HERPUD1: variants seen among roughly 807,000 people sequenced by gnomAD.
The protein encoded by HERPUD1 is homocysteine inducible ER protein with ubiquitin like domain 1.
A neutral mutation model predicts 45.0 loss-of-function variants in HERPUD1; 17 were observed. The observed-to-expected ratio is 0.38, with a 90% confidence interval of 0.26 to 0.57. The LOEUF (loss-of-function observed/expected upper bound fraction) is 0.57. Among genes scored for constraint, HERPUD1 ranks in the 20% least tolerant of loss-of-function variants. The pLI, the probability that HERPUD1 is intolerant of heterozygous loss-of-function variation, is 0.72. For missense variants in HERPUD1, 420 were observed against 490.5 expected (o/e 0.86, Z 1.36); for synonymous variants, 164 against 177.5 (o/e 0.92, Z 0.61).
intron 6 of HERPUD1, chr16:56,941,926 G>A (rs1383527792): frequency 1.9e-6 from 1 of 523,178 alleles, no homozygotes; most frequent in South Asian, 2.4e-5. Context: ...GGTGTGCAAT[G>A]ATGAATAAAA....
rs142638966 is a variant in HERPUD1 at position 56,935,468 on chromosome 16, A to C, written c.293A>C (p.Asn98Thr). The change falls in exon 3 of 8, where the codon AAC (asparagine) becomes ACC (threonine). Residue 98 changes from asparagine to threonine, a missense_variant. Transcript: ENST00000439977. ...AGTCCTTCAAAAATGCCAGAAATCAACGCCAAGGTGTGTCTGCCTCTTCAT... is the reference window on the plus strand; with the variant it reads ...AGTCCTTCAAAAATGCCAGAAATCACCGCCAAGGTGTGTCTGCCTCTTCAT... ...VKSPSKMPEINAKVAESTEEP... is the reference protein window; with the variant it reads ...VKSPSKMPEITAKVAESTEEP... The C allele has an allele frequency of 6.8e-6, 11 of 1,613,510 alleles. No individual in the cohort carries two copies. The highest frequency in any genetic ancestry group is 3.3e-5 in the South Asian group (3 of 91,076).
intron 4 of HERPUD1, chr16:56,937,209 G>A (rs1255563974): frequency 1.3e-5 from 2 of 155,470 alleles, no homozygotes; most frequent in African/African-American, 4.8e-5. Flanking sequence ...TGACAACAAG[G>A]GAGAGACTGT....
chr16:56,934,562 G>A (rs1023905542), intron 1 of HERPUD1, among the ~76,000 whole-genome samples: 6 of 152,042 alleles, frequency 3.9e-5, no homozygotes, highest in African/African-American at 1.5e-4. Context: ...GTTAAGGCTG[G>A]CCTTGGGAGT....
At chr16:56,939,484 G>T in intron 5 of HERPUD1, 125 bp downstream of exon 5, 1 of 1,237,752 alleles carries the variant, frequency 8.1e-7, no homozygotes. Flanking sequence ...GCAGAGCCCT[G>T]CTCTGTTTGG....
chr16:56,938,423 T>A (rs1187558903), intron 4 of HERPUD1, among the ~76,000 whole-genome samples: 3 of 151,982 alleles, frequency 2.0e-5, no homozygotes, highest in Admixed American at 2.0e-4. Context: ...ATTAGCCAGG[T>A]GTGGTGGCGT....
intron 4 of HERPUD1, chr16:56,937,038 T>C (rs1317329631): frequency 4.5e-5 from 16 of 353,880 alleles, no homozygotes; most frequent in Non-Finnish European, 7.6e-5. Flanking sequence ...AATGCATATA[T>C]TGAAAAAAAA....
rs1438720095 is a variant in HERPUD1 at position 56,932,355 on chromosome 16, C to T, written c.111C>T (p.Leu37=). ...ACCGCGGCTGGAGTGTGGGCCACCT[C>T]AAGGCCCACCTGAGCCGCGTCTACC... is the stretch of plus-strand genomic sequence containing the variant. ...SGDRGWSVGH[L]KAHLSRVYPE... The change falls in exon 1 of 8, where the codon CTC becomes CTT. Residue 37 remains leucine (L), a synonymous_variant. Coordinates refer to ENST00000439977, the MANE Select transcript of HERPUD1 (RefSeq NM_014685.4). 2 of 1,599,112 alleles carry T rather than the reference C, an allele frequency of 1.3e-6. No homozygotes were observed.
intron 1 of HERPUD1, chr16:56,933,399 T>C (rs2055841950): frequency 2.2e-6 from 1 of 452,032 alleles, no homozygotes; most frequent in Admixed American, 2.4e-5. Flanking sequence ...GAATTCACCC[T>C]GGCACATTTT....
intron 2 of HERPUD1, 27 bp downstream of exon 2, chr16:56,935,339 A>C (rs1439431131): frequency 6.2e-7 from 1 of 1,611,976 alleles, no homozygotes; most frequent in Non-Finnish European, 8.5e-7. Context: ...TTAACTTCTG[A>C]ATGTTTTTAA....
chr16:56,937,429 T>C (rs980065206), intron 4 of HERPUD1: 2 of 152,186 alleles, frequency 1.3e-5, no homozygotes, highest in Non-Finnish European at 2.9e-5. Context: ...CCCCTTTTTC[T>C]AGTACTTTTT....
At chr16:56,936,629 T>A in intron 3 of HERPUD1, 58 bp from the exon 4 acceptor site, 2 of 1,460,652 alleles carry the variant, frequency 1.4e-6, no homozygotes, top group Non-Finnish European at 9.1e-7. Flanking sequence ...TTCCTTTTGC[T>A]TGATTTCAGA....
intron 4 of HERPUD1, among the ~76,000 whole-genome samples, chr16:56,938,265 T>G (rs1395862051): frequency 6.6e-6 from 1 of 152,152 alleles, no homozygotes; most frequent in Non-Finnish European, 1.5e-5. Context: ...GTGGCCTGAT[T>G]AAAGAAGCAT....
At chr16:56,933,098 G>A (rs532803541) in intron 1 of HERPUD1, 8 of 367,302 alleles carry the variant, frequency 2.2e-5, no homozygotes, top group South Asian at 1.6e-4. Context: ...CGCCTGCCCT[G>A]GCCACCACGT....
chr16:56,936,436 A>G lies in HERPUD1; in HGVS notation c.301-251A>G, dbSNP rs183781287. On this transcript the variant is annotated intron_variant, in intron 3 of 7. Coordinates refer to ENST00000439977, the MANE Select transcript of HERPUD1 (RefSeq NM_014685.4). Reference sequence around the variant, plus strand: ...AAGCTTTCTCACCAATGACAACTTCATTGGAAGATTTTAATGAAAGTGTAG... The same window carrying G: ...AAGCTTTCTCACCAATGACAACTTCGTTGGAAGATTTTAATGAAAGTGTAG... The G allele has an allele frequency of 2.5e-3, 612 of 243,104 alleles. 5 individuals carry two copies. Among genetic ancestry groups the G allele is most frequent in the African/African-American group, 0.013 (576 of 44,706 alleles). The allele number at this position is 243,104 out of a possible 1,614,324, so 15.1% of individuals were successfully genotyped here.
At chr16:56,932,929 C>T (rs920839669) in intron 1 of HERPUD1, among the ~76,000 whole-genome samples, 7 of 152,168 alleles carry the variant, frequency 4.6e-5, no homozygotes, top group Non-Finnish European at 7.3e-5. Context: ...TGCCGAGTCC[C>T]GGGGTGGAGC....
Position 56,932,199 on chromosome 16 carries a change from C to T in HERPUD1, c.-46C>T. On this transcript the variant is annotated 5_prime_UTR_variant, in exon 1 of 8. Transcript: ENST00000439977. The stretch of plus-strand genomic sequence containing the variant: ...TGCGGGCGGCTGAGACGCCGCCTGC[C>T]TGGCACCTAGGAGCGCAGCGGAGCC... 2 of 1,594,308 alleles carry T rather than the reference C, an allele frequency of 1.3e-6. No homozygotes were observed. The highest frequency in any genetic ancestry group is 2.2e-5 in the South Asian group (2 of 89,888).
At position 56,943,181 on chromosome 16, in the gene HERPUD1, T is replaced by C; in HGVS notation, c.1067T>C (p.Val356Ala). ...DPNHLPPDRD[V>A]LDGEQTSPSF... The stretch of plus-strand genomic sequence containing the variant: ...AACCACCTCCCTCCAGACAGGGATG[T>C]ACTAGATGGCGAGCAGACCAGCCCC... Residue 356 changes from valine to alanine, a missense_variant, in exon 8 of 8, where the codon GTA becomes GCA. Physicochemically the swap from Val to Ala is moderately conservative, Grantham distance 64. Coordinates refer to ENST00000439977, the MANE Select transcript of HERPUD1 (RefSeq NM_014685.4). 6.2e-7 allele frequency: 1 copy of C among 1,614,208 alleles called. No individual in the cohort carries two copies. Among genetic ancestry groups the C allele is most frequent in the Non-Finnish European group, 8.5e-7 (1 of 1,180,024 alleles).
chr16:56,943,666 T>A lies in HERPUD1; in HGVS notation c.*376T>A. ...GCAGAAGTGGTTCTGCTGGTACGAT[T>A]TGATTCCTGTTGGAATGTTTAAATT... On this transcript the variant is annotated 3_prime_UTR_variant, in exon 8 of 8. Coordinates refer to ENST00000439977, the MANE Select transcript of HERPUD1 (RefSeq NM_014685.4). 2.6e-6 allele frequency: 1 copy of A among 386,416 alleles called. No individual in the cohort carries two copies. The highest frequency in any genetic ancestry group is 4.9e-6 in the Non-Finnish European group (1 of 205,192). The allele number at this position is 386,416 out of a possible 1,614,324, so 23.9% of individuals were successfully genotyped here.
Position 56,943,180 on chromosome 16 carries a change from G to T in HERPUD1, c.1066G>T (p.Val356Leu). Residue 356 changes from valine (V) to leucine (L), a missense_variant, in exon 8 of 8, where the codon GTA (valine) becomes TTA (leucine). Transcript: ENST00000439977. ...DPNHLPPDRD[V>L]LDGEQTSPSF... ...CAACCACCTCCCTCCAGACAGGGAT[G>T]TACTAGATGGCGAGCAGACCAGCCC... is the stretch of plus-strand genomic sequence containing the variant. 1 of 1,614,206 alleles carries T rather than the reference G, an allele frequency of 6.2e-7. No homozygotes were observed. Among genetic ancestry groups the T allele is most frequent in the Non-Finnish European group, 8.5e-7 (1 of 1,180,026 alleles).
Sources: gnomAD v4.1 joint callset for allele counts (sites outside exome capture counted in the v4.1 genomes callset) on GRCh38, gnomAD v4.1.1 for gene constraint, MANE v1.5 for transcripts, NCBI Gene and HGNC (gene_info 2026-07-23, HGNC 2026-07-21) for gene names.